Variants in MAP2K5 observed in about 807,000 individuals in gnomAD.
The protein encoded by MAP2K5 is mitogen-activated protein kinase kinase 5, also known as dual specificity mitogen-activated protein kinase kinase 5.
Under a neutral mutation model 83.1 loss-of-function variants are expected in MAP2K5, and 49 were observed. The ratio of observed to expected loss-of-function variants is 0.59; its 90% CI spans 0.47 to 0.75. The LOEUF is 0.75. Ranked by LOEUF, MAP2K5 falls within the 30% of genes least tolerant of loss-of-function variation. The probability of loss-of-function intolerance (pLI) is 0.00; values close to 1 mark genes in which losing one functional copy is unlikely to be tolerated. For missense variants in MAP2K5, 457 were observed against 557.5 expected, an observed-to-expected ratio of 0.82 and a Z score of 1.82; for synonymous variants, 202 against 191.8, an observed-to-expected ratio of 1.05 and a Z score of -0.44.
chr15:67,614,808 A>G (rs2086017539), intron 8 of MAP2K5, among the ~76,000 whole-genome samples: 1 of 152,226 alleles, frequency 6.6e-6, no homozygotes, highest in Admixed American at 6.5e-5. Flanking sequence ...AACAGAAAGA[A>G]GAAATGGCAA....
chr15:67,610,569 A>T (rs570938045), intron 8 of MAP2K5, among the ~76,000 whole-genome samples: 1 of 152,300 alleles, frequency 6.6e-6, no homozygotes, highest in East Asian at 1.9e-4. Flanking sequence ...TTCACTGGAA[A>T]GTCCAAAAGG....
intron 16 of MAP2K5, among the ~76,000 whole-genome samples, chr15:67,711,896 C>G: frequency 6.6e-6 from 1 of 152,176 alleles, no homozygotes; most frequent in East Asian, 1.9e-4. Context: ...AGGAGAATTG[C>G]TTTAAAGTCA....
intron 1 of MAP2K5, among the ~76,000 whole-genome samples, chr15:67,549,543 T>C (rs920223183): frequency 1.3e-5 from 2 of 152,252 alleles, no homozygotes; most frequent in Non-Finnish European, 2.9e-5. Flanking sequence ...ATGTGCTAGG[T>C]CTAAGTTTAT....
chr15:67,787,071 G>A (rs2090431850), intron 21 of MAP2K5, among the ~76,000 whole-genome samples: 1 of 152,194 alleles, frequency 6.6e-6, no homozygotes, highest in Admixed American at 6.5e-5. Context: ...AGAGAGTAGT[G>A]GGGCAGTTGG....
chr15:67,582,143 C>G (rs909170302), intron 4 of MAP2K5, among the ~76,000 whole-genome samples: 1 of 147,474 alleles, frequency 6.8e-6, no homozygotes, highest in Non-Finnish European at 1.5e-5. Flanking sequence ...CTCACCGCAA[C>G]CTCTGACTCC....
rs1324290793 is a variant in MAP2K5, at chr15:67,760,574, A to T, written c.1135-9028A>T. ...CCCATAATTTTGATTTAGTAAGTCA[A>T]TTAGATTTGTGGGGATTTTTTAACC... On this transcript the variant is annotated intron_variant, in intron 19 of 21. Coordinates refer to ENST00000178640, the MANE Select transcript of MAP2K5 (RefSeq NM_145160.3). This position sits in a 1 kb window ranked among gnomAD's most constrained non-coding sequence, Gnocchi z 4.1. 6.6e-6 allele frequency among the ~76,000 whole-genome samples: 1 copy of T among 152,220 alleles called. No individual in the cohort carries two copies. Among genetic ancestry groups the T allele is most frequent in the Non-Finnish European group, 1.5e-5 (1 of 68,034 alleles).
At chr15:67,762,627 A>G (rs1260453543) in intron 19 of MAP2K5, among the ~76,000 whole-genome samples, 1 of 152,052 alleles carries the variant, frequency 6.6e-6, no homozygotes, top group African/African-American at 2.4e-5. Flanking sequence ...AATGACAAAG[A>G]TCATTTCTAT....
chr15:67,627,199 T>C lies in MAP2K5; in HGVS notation c.546-3689T>C, dbSNP rs144591944. On this transcript the variant is annotated intron_variant, in intron 8 of 21. Coordinates refer to ENST00000178640, the MANE Select transcript of MAP2K5 (RefSeq NM_145160.3). ...CCTGGGTTCAAGTGATCCTCCTGCG[T>C]TGGCTTCCCAAAGTGCTGAGATTAC... Among the ~76,000 whole-genome samples the C allele has an allele frequency of 3.3e-5, 5 of 152,326 alleles. No individual in the cohort carries two copies. The East Asian group carries it at 7.7e-4, about 23-fold the overall frequency.
intron 12 of MAP2K5, among the ~76,000 whole-genome samples, chr15:67,659,718 CAA>C (rs537404876): frequency 6.6e-6 from 1 of 151,192 alleles, no homozygotes; most frequent in Non-Finnish European, 1.5e-5. Flanking sequence ...TAATAAAGGG[CAA>C]AAAAAGGCAA....
At chr15:67,699,767 A>G (rs1237748265) in intron 15 of MAP2K5, among the ~76,000 whole-genome samples, 1 of 152,152 alleles carries the variant, frequency 6.6e-6, no homozygotes, top group East Asian at 1.9e-4. Context: ...AAGATCACAC[A>G]TTTTTTAAGT....
At chr15:67,549,949 G>A (rs2084474055) in intron 1 of MAP2K5, 85 bp from the exon 2 acceptor site, 2 of 978,428 alleles carry the variant, frequency 2.0e-6, no homozygotes, top group Non-Finnish European at 3.3e-6. Flanking sequence ...ATCTTTCCCA[G>A]GTTCTCATAT....
chr15:67,631,952 T>C (rs1284291461), intron 9 of MAP2K5, among the ~76,000 whole-genome samples: 1 of 151,966 alleles, frequency 6.6e-6, no homozygotes, highest in African/African-American at 2.4e-5. Flanking sequence ...CCTCTACATA[T>C]TGGCCCCCAC....
At chr15:67,566,576 C>T (rs1567276826) in intron 3 of MAP2K5, among the ~76,000 whole-genome samples, 1 of 152,086 alleles carries the variant, frequency 6.6e-6, no homozygotes, top group Non-Finnish European at 1.5e-5. Flanking sequence ...GGCACTTTTA[C>T]CATTAGTCCT....
intron 7 of MAP2K5, among the ~76,000 whole-genome samples, chr15:67,598,815 C>T (rs1003085299): frequency 6.6e-6 from 1 of 152,186 alleles, no homozygotes; most frequent in Non-Finnish European, 1.5e-5. Flanking sequence ...ACTCTTAAAC[C>T]TTAGTGCCAC....
chr15:67,696,418 T>C (rs922645026), intron 15 of MAP2K5, among the ~76,000 whole-genome samples: 9 of 152,146 alleles, frequency 5.9e-5, no homozygotes, highest in African/African-American at 1.9e-4. Flanking sequence ...AGAAAGTATA[T>C]GGCTCATAAC....
chr15:67,672,836 G>A (rs1044726787), intron 13 of MAP2K5, among the ~76,000 whole-genome samples: 23 of 150,814 alleles, frequency 1.5e-4, no homozygotes, highest in African/African-American at 5.4e-4. Context: ...ATTAATTTTT[G>A]TATAAGGTGT....
In MAP2K5 at chr15:67,738,328, T is replaced by G. The variant is rs992712092; in HGVS notation, c.1075-9903T>G. On this transcript the variant is annotated intron_variant, in intron 17 of 21. Transcript: ENST00000178640. This position sits in a 1 kb window ranked among gnomAD's most constrained non-coding sequence, Gnocchi z 4.1. ...CTCCAGGCCTAGTTGGTAAAATCCT[T>G]TAATCAAAAGAAAGTTCCTGGCCAA... Among the ~76,000 whole-genome samples, 2 of 152,210 alleles carry G rather than the reference T, an allele frequency of 1.3e-5. No homozygotes were observed. The highest frequency in any genetic ancestry group is 2.9e-5 in the Non-Finnish European group (2 of 68,046).
intron 14 of MAP2K5, among the ~76,000 whole-genome samples, chr15:67,693,126 A>G (rs1277523538): frequency 6.6e-6 from 1 of 152,200 alleles, no homozygotes; most frequent in Admixed American, 6.5e-5. Context: ...CCTCCAGCGT[A>G]TTTAGTGTTC....
chr15:67,582,359 C>T (rs1016093429), intron 4 of MAP2K5, among the ~76,000 whole-genome samples: 7 of 152,264 alleles, frequency 4.6e-5, no homozygotes, highest in Admixed American at 3.3e-4. Context: ...CACGCCCAGC[C>T]AGGAGGCAGA....
Sources: gnomAD v4.1 joint callset for allele counts (sites outside exome capture counted in the v4.1 genomes callset) on GRCh38, gnomAD v4.1.1 for gene constraint, Gnocchi (gnomAD v3.1) non-coding constraint, MANE v1.5 for transcripts, NCBI Gene and HGNC (gene_info 2026-07-23, HGNC 2026-07-21) for gene names.